Variants in NPHP1 observed in about 807,000 individuals in gnomAD.
NPHP1 encodes the protein nephrocystin 1, also known as nephrocystin-1.
In NPHP1, 70 loss-of-function variants were observed where a neutral mutation model predicts 90.4. That is an observed-to-expected ratio of 0.77 (90% CI 0.64 to 0.95). The LOEUF is 0.95. NPHP1 is among the 40% of genes least tolerant of loss of function. The pLI is 0.00. For missense variants in NPHP1, 764 were observed against 795.9 expected (o/e 0.96, Z 0.48); for synonymous variants, 256 against 271.7 (o/e 0.94, Z 0.57).
chr2:110,180,448 C>CTTTTTT (rs3086121), intron 2 of NPHP1, among the ~76,000 whole-genome samples: 73 of 80,904 alleles, frequency 9.0e-4, no homozygotes, highest in African/African-American at 1.2e-3. Flanking sequence ...CCGTTTGAGT[C>CTTTTTT]TTTTTTTTTT....
intron 12 of NPHP1, among the ~76,000 whole-genome samples, chr2:110,149,541 C>A (rs763120682): frequency 2.6e-5 from 4 of 152,118 alleles, no homozygotes. Flanking sequence ...TCTCACTGAA[C>A]CTCCATCTTG....
At chr2:110,185,043 T>C (rs1340916491) in intron 2 of NPHP1, 7 of 600,678 alleles carry the variant, frequency 1.2e-5, no homozygotes, top group East Asian at 8.8e-5. Flanking sequence ...ATCAGGATAT[T>C]TGCACCTCAG....
intron 11 of NPHP1, 82 bp from the exon 12 acceptor site, chr2:110,150,338 T>G: frequency 8.0e-7 from 1 of 1,245,042 alleles, no homozygotes; most frequent in Admixed American, 1.7e-5. Flanking sequence ...GAGTTAACAG[T>G]GGCTACACTA....
At chr2:110,130,107 T>G (rs952416364) in intron 17 of NPHP1, among the ~76,000 whole-genome samples, 1 of 152,130 alleles carries the variant, frequency 6.6e-6, no homozygotes, top group Non-Finnish European at 1.5e-5. Context: ...CAAGCCCTTC[T>G]GTAAGGGTCT....
intron 6 of NPHP1, 109 bp downstream of exon 6, chr2:110,168,343 A>G (rs1245623705): frequency 8.0e-6 from 6 of 753,276 alleles, no homozygotes; most frequent in African/African-American, 7.0e-5. Context: ...AGCAAATTCT[A>G]TATCTCAAGT....
chr2:110,185,105 C>A (rs540529210), intron 2 of NPHP1: 2 of 587,558 alleles, frequency 3.4e-6, no homozygotes, highest in African/African-American at 1.9e-5. Flanking sequence ...CTCCATGACA[C>A]CTTTAAGAAG....
intron 11 of NPHP1, among the ~76,000 whole-genome samples, chr2:110,152,209 C>T (rs1681523103): frequency 6.6e-6 from 1 of 152,022 alleles, no homozygotes; most frequent in South Asian, 2.1e-4. Flanking sequence ...AGTCTAACTA[C>T]TTGGGAGGCT....
chr2:110,164,408 T>G, intron 8 of NPHP1: 3 of 720,846 alleles, frequency 4.2e-6, no homozygotes, highest in Non-Finnish European at 7.4e-6. Flanking sequence ...CTGTTTCCAC[T>G]CAAATGATAG....
intron 2 of NPHP1, among the ~76,000 whole-genome samples, chr2:110,181,582 A>AAAC (rs201825314): frequency 6.6e-6 from 1 of 152,170 alleles, no homozygotes; most frequent in Non-Finnish European, 1.5e-5. Flanking sequence ...AACAAACAGA[A>AAAC]AACAACAACA....
At chr2:110,125,246 G>A (rs775298395) in intron 19 of NPHP1, 36 of 1,535,966 alleles carry the variant, frequency 2.3e-5, no homozygotes, top group Non-Finnish European at 3.1e-5. Flanking sequence ...GTAAGCAGGA[G>A]CAATGCATTG....
chr2:110,161,558 AAAATCTG>A, intron 10 of NPHP1, 38 bp downstream of exon 10: 1 of 1,293,254 alleles, frequency 7.7e-7, no homozygotes, highest in Non-Finnish European at 1.1e-6. Flanking sequence ...CAACTATGAC[AAAATCTG>A]GAAGAGTTAC....
At chr2:110,165,253 A>T in intron 6 of NPHP1, 98 bp from the exon 7 acceptor site, 1 of 941,310 alleles carries the variant, frequency 1.1e-6, no homozygotes, top group Admixed American at 1.9e-5. Context: ...TAAAAACAAA[A>T]ACAAGCTTTT....
chr2:110,125,450 T>A, intron 19 of NPHP1, 187 bp downstream of exon 19: 1 of 1,129,214 alleles, frequency 8.9e-7, no homozygotes, highest in African/African-American at 1.5e-5. Context: ...GTATTCCTTC[T>A]CACATTAGCT....
intron 4 of NPHP1, among the ~76,000 whole-genome samples, chr2:110,175,689 A>G (rs1238314933): frequency 6.6e-6 from 1 of 151,764 alleles, no homozygotes; most frequent in Non-Finnish European, 1.5e-5. Context: ...GTTTCTTTAT[A>G]TTGATTCTGT....
chr2:110,171,902 G>A (rs1410290285), intron 4 of NPHP1, among the ~76,000 whole-genome samples: 1 of 152,130 alleles, frequency 6.6e-6, no homozygotes, highest in Non-Finnish European at 1.5e-5. Flanking sequence ...TTTGATATCA[G>A]TGTTATTGAA....
rs550289489 is a variant in NPHP1, at chr2:110,184,839, A to T, written c.144-5155T>A. ...AGCACCATTGAGATTGGTCCTTCCC[A>T]ATTCCGGGCCCCTGAGCTGCTCTTC... On this transcript the variant is annotated intron_variant, in intron 2 of 19. Transcript: ENST00000445609. 184 of 705,704 alleles carry T rather than the reference A, an allele frequency of 2.6e-4. 1 individual carries two copies. The highest frequency in any genetic ancestry group is 2.5e-3 in the South Asian group (182 of 73,710). 43.7% of individuals were successfully genotyped at this position (705,704 alleles called of 1,614,324 possible).
At chr2:110,189,336 C>G (rs2104659279) in intron 2 of NPHP1, among the ~76,000 whole-genome samples, 1 of 152,090 alleles carries the variant, frequency 6.6e-6, no homozygotes, top group South Asian at 2.1e-4. Flanking sequence ...GGAGTTTCTT[C>G]CTTCTGGTGG....
In NPHP1 at chr2:110,164,971, T is replaced by C. The variant is rs191505433; in HGVS notation, c.728+81A>G. On this transcript the variant is annotated intron_variant, in intron 7 of 19. Coordinates refer to ENST00000445609, the MANE Select transcript of NPHP1 (RefSeq NM_001128178.3). ...ACAAGTTGTCTCCATTTCAAGAAAGTATTGAATTAGTTATAATAATAAAAA... is the reference window on the plus strand; with the variant it reads ...ACAAGTTGTCTCCATTTCAAGAAAGCATTGAATTAGTTATAATAATAAAAA... 146 of 1,127,084 alleles carry C rather than the reference T, an allele frequency of 1.3e-4. No homozygotes were observed. The East Asian group carries it at 3.1e-3, about 24-fold the overall frequency. The allele number at this position is 1,127,084 out of a possible 1,614,324, so 69.8% of individuals were successfully genotyped here. A position where few individuals can be genotyped will look rare whatever the true frequency, so the allele number is the denominator to read the frequency against.
chr2:110,182,108 C>T (rs1574165637), intron 2 of NPHP1, among the ~76,000 whole-genome samples: 1 of 151,974 alleles, frequency 6.6e-6, no homozygotes, highest in African/African-American at 2.4e-5. Context: ...AATGAATGAA[C>T]AAAACCTTAG....
Sources: gnomAD v4.1 joint callset for allele counts (sites outside exome capture counted in the v4.1 genomes callset) on GRCh38, gnomAD v4.1.1 for gene constraint, MANE v1.5 for transcripts, NCBI Gene and HGNC (gene_info 2026-07-23, HGNC 2026-07-21) for gene names.